Variants in IFNGR2 observed in about 807,000 individuals in gnomAD.
The protein encoded by IFNGR2 is IFN-gamma receptor 2.
A neutral mutation model predicts 41.1 loss-of-function variants in IFNGR2; 15 were observed. The observed-to-expected ratio is 0.37, with a 90% confidence interval of 0.24 to 0.56. The LOEUF is 0.56. Among genes scored for constraint, IFNGR2 ranks in the 20% least tolerant of loss-of-function variants. The pLI is 0.81. For missense variants in IFNGR2, 362 were observed against 415.7 expected (o/e 0.87, Z 1.12); for synonymous variants, 161 against 171.6 (o/e 0.94, Z 0.48).
intron 3 of IFNGR2, among the ~76,000 whole-genome samples, chr21:33,423,698 C>T (rs1199848428): frequency 6.6e-6 from 1 of 152,056 alleles, no homozygotes; most frequent in Non-Finnish European, 1.5e-5. Context: ...GCCACCGTGC[C>T]CGGCCAATAA....
intron 4 of IFNGR2, among the ~76,000 whole-genome samples, chr21:33,430,534 A>C (rs8132006): frequency 0.77 from 117,555 of 152,174 alleles, 45,927 homozygotes; most frequent in East Asian, 0.99. Flanking sequence ...CCTCCAATTC[A>C]CAGGCTCAAG....
intron 1 of IFNGR2, among the ~76,000 whole-genome samples, chr21:33,408,528 A>G (rs1450533279): frequency 6.6e-6 from 1 of 152,132 alleles, no homozygotes; most frequent in Non-Finnish European, 1.5e-5. Context: ...AAAGTCTGAA[A>G]TGCCTGGATC....
chr21:33,412,117 T>G (rs552502826), intron 1 of IFNGR2, among the ~76,000 whole-genome samples: 1 of 152,016 alleles, frequency 6.6e-6, no homozygotes, highest in Non-Finnish European at 1.5e-5. Context: ...GTCACTAGGT[T>G]AGTGATAATG....
chr21:33,409,485 AAAAG>A (rs529754245), intron 1 of IFNGR2, among the ~76,000 whole-genome samples: 41 of 152,284 alleles, frequency 2.7e-4, no homozygotes, highest in African/African-American at 9.6e-4. Context: ...TCAAAAGAAA[AAAAG>A]AAAAAGCAAT....
intron 4 of IFNGR2, among the ~76,000 whole-genome samples, chr21:33,428,502 A>G (rs1214201594): frequency 6.6e-6 from 1 of 152,196 alleles, no homozygotes; most frequent in Admixed American, 6.5e-5. Context: ...TGCTGAGGTT[A>G]CAGGCATGAG....
At chr21:33,406,775 G>A (rs1482051870) in intron 1 of IFNGR2, among the ~76,000 whole-genome samples, 2 of 151,560 alleles carry the variant, frequency 1.3e-5, no homozygotes, top group South Asian at 2.1e-4. Flanking sequence ...AGCCTCCTGA[G>A]TAGCTGGGAC....
intron 1 of IFNGR2, among the ~76,000 whole-genome samples, chr21:33,409,196 C>T (rs534489038): frequency 4.8e-5 from 7 of 145,360 alleles, no homozygotes; most frequent in South Asian, 2.2e-4. Flanking sequence ...AGGCCGGGCT[C>T]AGTGGCTCAC....
chr21:33,420,229 G>A (rs1193245117), intron 2 of IFNGR2, among the ~76,000 whole-genome samples: 1 of 151,940 alleles, frequency 6.6e-6, no homozygotes, highest in East Asian at 1.9e-4. Flanking sequence ...CGGTGGTCGT[G>A]GGGATACAGA....
chr21:33,435,906 AATT>A (rs1235770303), intron 6 of IFNGR2, among the ~76,000 whole-genome samples: 3 of 148,772 alleles, frequency 2.0e-5, no homozygotes, highest in East Asian at 3.9e-4. Context: ...AAAAAAAAAA[AATT>A]AGCCAGCCGT....
chr21:33,408,257 C>T (rs1220250274), intron 1 of IFNGR2, among the ~76,000 whole-genome samples: 2 of 152,052 alleles, frequency 1.3e-5, no homozygotes, highest in African/African-American at 4.8e-5. Context: ...AGTGCAGTGG[C>T]ATGGTCTTGA....
At chr21:33,418,942 C>T (rs1010202118) in intron 2 of IFNGR2, among the ~76,000 whole-genome samples, 5 of 152,180 alleles carry the variant, frequency 3.3e-5, no homozygotes, top group Non-Finnish European at 2.9e-5. Context: ...CCAGCCCTGT[C>T]TTCTCAAACA....
rs141375693 is a variant in IFNGR2 at position 33,406,922 on chromosome 21, T to C, written c.73+3306T>C. ...CCTCAGCCTCCCAAAGTGCTAGGATTATAGATGTGAACCACCCAGCCTGGC... is the reference window on the plus strand; with the variant it reads ...CCTCAGCCTCCCAAAGTGCTAGGATCATAGATGTGAACCACCCAGCCTGGC... On this transcript the variant is annotated intron_variant, in intron 1 of 6. Coordinates refer to ENST00000290219, the MANE Select transcript of IFNGR2 (RefSeq NM_005534.4). Among the ~76,000 whole-genome samples, 30 of 152,178 alleles carry C rather than the reference T, an allele frequency of 2.0e-4. No individual in the cohort carries two copies. The South Asian group carries it at 4.2e-3, about 21-fold the overall frequency.
chr21:33,432,717 C>T lies in IFNGR2; in HGVS notation c.725C>T (p.Ser242Phe), dbSNP rs1417785116. Reference protein sequence around the residue: ...ISCYETMADASTELQQVILIS... With the variant: ...ISCYETMADAFTELQQVILIS... ...CACTTTCGTGTCCTCTTTTTAGCCT[C>T]CACTGAGCTTCAGCAAGTCATCCTG... is the stretch of plus-strand genomic sequence containing the variant. The change falls in exon 6 of 7, where the codon TCC (serine) becomes TTC (phenylalanine). Residue 242 changes from serine to phenylalanine, a missense_variant. Ser to Phe is a radical substitution (Grantham distance 155). Coordinates refer to ENST00000290219, the MANE Select transcript of IFNGR2 (RefSeq NM_005534.4). The T allele has an allele frequency of 1.2e-6, 2 of 1,614,120 alleles. No homozygotes were observed. Among genetic ancestry groups the T allele is most frequent in the South Asian group, 2.2e-5 (2 of 91,084 alleles).
intron 2 of IFNGR2, among the ~76,000 whole-genome samples, chr21:33,417,868 A>T (rs938854015): frequency 1.1e-4 from 16 of 151,820 alleles, no homozygotes; most frequent in African/African-American, 2.7e-4. Flanking sequence ...TTCAGAGGAG[A>T]TGCTTCTAAA....
At chr21:33,415,143 C>A in intron 2 of IFNGR2, 123 bp downstream of exon 2, 1 of 1,211,278 alleles carries the variant, frequency 8.3e-7, no homozygotes, top group Non-Finnish European at 1.2e-6. Context: ...GGAAACACAT[C>A]GTTCTTGGAG....
At chr21:33,413,174 C>T (rs1270221784) in intron 1 of IFNGR2, among the ~76,000 whole-genome samples, 1 of 152,210 alleles carries the variant, frequency 6.6e-6, no homozygotes, top group Non-Finnish European at 1.5e-5. Flanking sequence ...CACCACCCCC[C>T]TCTGGAAGCA....
intron 4 of IFNGR2, among the ~76,000 whole-genome samples, chr21:33,428,717 A>G (rs1315983840): frequency 6.6e-6 from 1 of 152,266 alleles, no homozygotes; most frequent in African/African-American, 2.4e-5. Context: ...GTCCTCTCCA[A>G]CTGGATACGG....
At chr21:33,419,447 CTT>C (rs780092239) in intron 2 of IFNGR2, among the ~76,000 whole-genome samples, 22 of 146,112 alleles carry the variant, frequency 1.5e-4, no homozygotes, top group South Asian at 6.6e-4. Flanking sequence ...AATTCGTTCT[CTT>C]GTTTGAAAAT....
intron 1 of IFNGR2, among the ~76,000 whole-genome samples, chr21:33,407,656 C>T (rs986666105): frequency 2.0e-5 from 3 of 152,158 alleles, no homozygotes; most frequent in Non-Finnish European, 1.5e-5. Context: ...AATGCAGTGG[C>T]GCTATCTCGG....
Sources: allele counts gnomAD v4.1 joint callset (sites outside exome capture counted in the v4.1 genomes callset), GRCh38; gene constraint gnomAD v4.1.1; transcripts MANE v1.5; gene names NCBI Gene and HGNC (gene_info 2026-07-23, HGNC 2026-07-21).